Variants in ZFAT observed in about 807,000 individuals in gnomAD.
ZFAT encodes zinc finger protein ZFAT.
Under a neutral mutation model 117.7 loss-of-function variants are expected in ZFAT, and 64 were observed. That is an observed-to-expected ratio of 0.54 (90% CI 0.44 to 0.67). ZFAT has a LOEUF of 0.67. ZFAT is among the 30% of genes least tolerant of loss of function. The probability of loss-of-function intolerance (pLI) is 0.00; values close to 1 mark genes in which losing one functional copy is unlikely to be tolerated. For synonymous variants in ZFAT, 679 were observed against 615.0 expected (o/e 1.10, Z -1.54); for missense variants, 1,433 against 1,584.5 (o/e 0.90, Z 1.62).
chr8:134,591,499 CT>C (rs2130880861), intron 7 of ZFAT, among the ~76,000 whole-genome samples: 1 of 152,358 alleles, frequency 6.6e-6, no homozygotes, highest in Admixed American at 6.5e-5. Flanking sequence ...TCATATCACT[CT>C]TTTCCCCTAG....
At chr8:134,515,351 T>G (rs1820178696) in intron 13 of ZFAT, among the ~76,000 whole-genome samples, 1 of 152,164 alleles carries the variant, frequency 6.6e-6, no homozygotes, top group South Asian at 2.1e-4. Context: ...GGTCAAATGG[T>G]ATTTCTGGTT....
chr8:134,637,441 A>G lies in ZFAT; in HGVS notation c.448+20T>C, dbSNP rs1209056080. ...CTCTTCATAAGAAATTGACATGTTCAGCCCTTTGGCAGCATTTACCTGCTT... is the reference window on the plus strand; with the variant it reads ...CTCTTCATAAGAAATTGACATGTTCGGCCCTTTGGCAGCATTTACCTGCTT... On this transcript the variant is annotated intron_variant, in intron 3 of 15. Coordinates refer to ENST00000377838, the MANE Select transcript of ZFAT (RefSeq NM_020863.4). 1.3e-6 allele frequency: 2 copies of G among 1,598,686 alleles called. No individual in the cohort carries two copies. The highest frequency in any genetic ancestry group is 1.7e-6 in the Non-Finnish European group (2 of 1,168,548).
In ZFAT at chr8:134,685,545, T is replaced by C. The variant is rs548997535; in HGVS notation, c.19+27300A>G. On this transcript the variant is annotated intron_variant, in intron 1 of 15. Coordinates refer to ENST00000377838, the MANE Select transcript of ZFAT (RefSeq NM_020863.4). ...ATTTCGGGGAGCAACAGCTGGAAAA[T>C]AACAGTATGCCAGATATAAGTGATA... Among the ~76,000 whole-genome samples, 243 of 152,124 alleles carry C rather than the reference T, an allele frequency of 1.6e-3. 1 individual carries two copies. The highest frequency in any genetic ancestry group is 5.5e-3 in the African/African-American group (228 of 41,468).
At chr8:134,542,825 T>G (rs1204099929) in intron 11 of ZFAT, among the ~76,000 whole-genome samples, 1 of 152,142 alleles carries the variant, frequency 6.6e-6, no homozygotes, top group African/African-American at 2.4e-5. Flanking sequence ...CACACCTCTC[T>G]GTGACACTCA....
At chr8:134,806,181 C>A in the ZFAT span, among the ~76,000 whole-genome samples, 1 of 152,114 alleles carries the variant, frequency 6.6e-6, no homozygotes. Flanking sequence ...TATACAAATT[C>A]TGAGAGACTA....
At chr8:134,626,389 C>T (rs733254) in intron 3 of ZFAT, among the ~76,000 whole-genome samples, 1 of 152,070 alleles carries the variant, frequency 6.6e-6, no homozygotes, top group Non-Finnish European at 1.5e-5. Flanking sequence ...TACTCTCTAG[C>T]TGGGCTTAGG....
At chr8:134,588,420 A>G (rs765383645) in intron 8 of ZFAT, 25 bp from the exon 9 acceptor site, 4 of 1,554,566 alleles carry the variant, frequency 2.6e-6, no homozygotes, top group Non-Finnish European at 3.5e-6. Flanking sequence ...GGATGTCAAA[A>G]GGAGTCAGAG....
At chr8:134,813,801 TACACACACACACACACAC>T in the ZFAT span, among the ~76,000 whole-genome samples, 350 of 147,134 alleles carry the variant, frequency 2.4e-3, 1 homozygote, top group African/African-American at 7.8e-3. Context: ...TTTGATTTTA[TACACACACACACACACAC>T]ACACACACAC....
At chr8:134,687,619 C>A (rs1833386463) in intron 1 of ZFAT, among the ~76,000 whole-genome samples, 1 of 151,444 alleles carries the variant, frequency 6.6e-6, no homozygotes, top group African/African-American at 2.4e-5. Context: ...TACAGGAACA[C>A]CCCCTGTCCC....
At chr8:134,733,677 G>A in the ZFAT span, among the ~76,000 whole-genome samples, 2 of 152,244 alleles carry the variant, frequency 1.3e-5, no homozygotes, top group Non-Finnish European at 2.9e-5. Flanking sequence ...TGGAGGCAGT[G>A]CTGTGTCTCT....
intron 1 of ZFAT, among the ~76,000 whole-genome samples, chr8:134,677,097 C>A (rs568413463): frequency 2.6e-5 from 4 of 151,812 alleles, no homozygotes; most frequent in Admixed American, 6.6e-5. Context: ...AAGATCAGAG[C>A]AGAACTAAAG....
intron 9 of ZFAT, among the ~76,000 whole-genome samples, chr8:134,585,829 C>T (rs2130856993): frequency 6.6e-6 from 1 of 152,264 alleles, no homozygotes; most frequent in Admixed American, 6.5e-5. Flanking sequence ...GTGGATGGGT[C>T]CCAGGTCCAT....
At chr8:134,744,443 C>T in the ZFAT span, among the ~76,000 whole-genome samples, 3 of 151,820 alleles carry the variant, frequency 2.0e-5, no homozygotes, top group Non-Finnish European at 4.4e-5. Context: ...TTACAGGCAC[C>T]CGCCACCATG....
intron 13 of ZFAT, among the ~76,000 whole-genome samples, chr8:134,514,675 T>C (rs1820117327): frequency 1.3e-5 from 2 of 152,180 alleles, no homozygotes; most frequent in African/African-American, 4.8e-5. Flanking sequence ...AAGTTAAGTC[T>C]GTCAGACTCC....
At chr8:134,617,780 G>A (rs575274917) in intron 3 of ZFAT, among the ~76,000 whole-genome samples, 26 of 152,314 alleles carry the variant, frequency 1.7e-4, no homozygotes, top group Middle Eastern at 3.4e-3. Flanking sequence ...CTGAGCTGCC[G>A]TAAACCACAG....
chr8:134,568,850 A>T, intron 10 of ZFAT, among the ~76,000 whole-genome samples: 1 of 152,194 alleles, frequency 6.6e-6, no homozygotes. Context: ...ATGACTAATC[A>T]TAAAAGAGCA....
chr8:134,706,124 A>T (rs999018299), intron 1 of ZFAT, among the ~76,000 whole-genome samples: 1 of 152,230 alleles, frequency 6.6e-6, no homozygotes, highest in South Asian at 2.1e-4. Context: ...AAAGATAAAC[A>T]TAACTACTCT....
intron 3 of ZFAT, among the ~76,000 whole-genome samples, chr8:134,631,301 G>A (rs992409166): frequency 2.6e-5 from 4 of 152,144 alleles, no homozygotes; most frequent in Admixed American, 6.5e-5. Flanking sequence ...CACTTCCATC[G>A]CTTATAAGGT....
the ZFAT span, among the ~76,000 whole-genome samples, chr8:134,805,277 G>A: frequency 2.0e-5 from 3 of 150,332 alleles, no homozygotes; most frequent in African/African-American, 4.9e-5. Context: ...TTTCAAAATA[G>A]TAAACACATT....
Sources: allele counts gnomAD v4.1 joint callset (sites outside exome capture counted in the v4.1 genomes callset), GRCh38; gene constraint gnomAD v4.1.1; transcripts MANE v1.5; gene names NCBI Gene and HGNC (gene_info 2026-07-23, HGNC 2026-07-21).